The following DSPP variants were observed in gnomAD, a reference collection of about 807,000 sequenced individuals.
The protein encoded by DSPP is deafness, autosomal dominant 39.
A neutral mutation model predicts 29.1 loss-of-function variants in DSPP; 28 were observed. That is an observed-to-expected ratio of 0.96 (90% confidence interval 0.71 to 1.32). The LOEUF is 1.32. DSPP is among the 40% of genes most tolerant of loss of function. The pLI is 0.00. For synonymous variants in DSPP, 481 were observed against 503.4 expected, an observed-to-expected ratio of 0.96 and a Z score of 0.60; for missense variants, 1,281 against 1,629.9, an observed-to-expected ratio of 0.79 and a Z score of 3.69.
intron 3 of DSPP, 42 bp downstream of exon 3, chr4:87,612,230 G>T: frequency 3.7e-6 from 6 of 1,612,448 alleles, no homozygotes; most frequent in Non-Finnish European, 5.1e-6. Context: ...CTATTTCTGA[G>T]TTGCTACATT....
At chr4:87,608,832 C>A (rs1283787711) in intron 1 of DSPP, among the ~76,000 whole-genome samples, 5 of 152,052 alleles carry the variant, frequency 3.3e-5, no homozygotes, top group Non-Finnish European at 5.9e-5. Context: ...AGAAGAAAGA[C>A]CTCGTACTGA....
chr4:87,613,769 C>T lies in DSPP; in HGVS notation c.1123-16C>T, dbSNP rs1727788388. On this transcript the variant is annotated splice_polypyrimidine_tract_variant and intron_variant, in intron 4 of 4. Coordinates refer to ENST00000651931, the MANE Select transcript of DSPP (RefSeq NM_014208.3). ...ATATTCACTAGTTAATCATTCTTTCCTCCATCCTTCCATAGGGAATAGAAA... is the reference window on the plus strand; with the variant it reads ...ATATTCACTAGTTAATCATTCTTTCTTCCATCCTTCCATAGGGAATAGAAA... 1 of 1,613,936 alleles carries T rather than the reference C, an allele frequency of 6.2e-7. No individual in the cohort carries two copies. Among genetic ancestry groups the T allele is most frequent in the Admixed American group, 1.7e-5 (1 of 60,002 alleles).
At chr4:87,611,062 TGC>T in intron 2 of DSPP, 103 bp downstream of exon 2, 1 of 1,079,424 alleles carries the variant, frequency 9.3e-7, no homozygotes, top group Non-Finnish European at 1.4e-6. Context: ...TGTGTGTGTG[TGC>T]ATGTACATGT....
In DSPP at chr4:87,612,672, C is replaced by G. The variant is rs1044358322; in HGVS notation, c.486C>G (p.Thr162=). The change falls in exon 4 of 5, where the codon ACC becomes ACG. Residue 162 remains threonine (T), a synonymous_variant. Transcript: ENST00000651931. ...SNTNGNTDKN[T]QNGDVGDAGH... is the part of the protein sequence containing the mutation. ...CTAATGGAAATACTGATAAGAATAC[C>G]CAAAATGGGGATGTTGGCGATGCAG... 1 of 1,613,872 alleles carries G rather than the reference C, an allele frequency of 6.2e-7. No homozygotes were observed. Among genetic ancestry groups the G allele is most frequent in the Non-Finnish European group, 8.5e-7 (1 of 1,179,986 alleles).
At chr4:87,611,407 A>AT (rs913817893) in intron 2 of DSPP, among the ~76,000 whole-genome samples, 4 of 151,910 alleles carry the variant, frequency 2.6e-5, no homozygotes, top group South Asian at 2.1e-4. Context: ...GAAAAAGTAG[A>AT]TTTTTTTTCA....
Position 87,616,716 on chromosome 4 carries a change from G to A in DSPP, c.*148G>A. The A allele has an allele frequency of 7.3e-7, 1 of 1,372,634 alleles. No homozygotes were observed. Among genetic ancestry groups the A allele is most frequent in the Non-Finnish European group, 1.0e-6 (1 of 1,002,664 alleles). The allele number at this position is 1,372,634 out of a possible 1,614,324, so 85.0% of individuals were successfully genotyped here. ...ACTGGGGGAATCAAATCAAACAGTT[G>A]GATTCAGAACCAAGACCTAACTCCT... On this transcript the variant is annotated 3_prime_UTR_variant, in exon 5 of 5. Transcript: ENST00000651931.
rs895655307 is a variant in DSPP, at chr4:87,612,642, C to G, written c.456C>G (p.Ser152Arg). 6.2e-7 allele frequency: 1 copy of G among 1,614,022 alleles called. No homozygotes were observed. Among genetic ancestry groups the G allele is most frequent in the Non-Finnish European group, 8.5e-7 (1 of 1,179,986 alleles). Residue 152 changes from serine to arginine, a missense_variant, in exon 4 of 5, where the codon AGC becomes AGG. By Grantham distance (110) the Ser-to-Arg change is moderately radical. Coordinates refer to ENST00000651931, the MANE Select transcript of DSPP (RefSeq NM_014208.3). Reference protein sequence around the residue: ...IIDNAGATNRSNTNGNTDKNT... With the variant: ...IIDNAGATNRRNTNGNTDKNT... ...ACAATGCTGGAGCCACAAACAGAAG[C>G]AACACTAATGGAAATACTGATAAGA... is the stretch of plus-strand genomic sequence containing the variant.
rs760461844 is a variant in DSPP at position 87,612,198 on chromosome 4, G to A, written c.135+10G>A. 1 of 1,613,780 alleles carries A rather than the reference G, an allele frequency of 6.2e-7. No individual in the cohort carries two copies. The highest frequency in any genetic ancestry group is 1.7e-5 in the Admixed American group (1 of 60,026). The stretch of plus-strand genomic sequence containing the variant: ...AAATGTGTCAGTACAGGTATAGGAT[G>A]TAATATATTTCATTTTATTTCCTAT... On this transcript the variant is annotated intron_variant, in intron 3 of 4. Transcript: ENST00000651931.
In DSPP at chr4:87,615,975, AGCAGCGAT is replaced by A; in HGVS notation, c.3314_3321del (p.Ser1105LysfsTer3). 1.7e-6 allele frequency: 1 copy of A among 587,758 alleles called. No homozygotes were observed. The highest frequency in any genetic ancestry group is 2.6e-6 in the Non-Finnish European group (1 of 385,388). 36.4% of individuals were successfully genotyped at this position (587,758 alleles called of 1,614,324 possible). A position where few individuals can be genotyped will look rare whatever the true frequency, so the allele number is the denominator to read the frequency against. ...CAGCGATAGCAGCGACAGCAGCGAC[AGCAGCGAT>A]AGCAGTGACAGCAGCGATAGCAGTG... is the stretch of plus-strand genomic sequence containing the variant. On this transcript the variant is annotated frameshift_variant, in exon 5 of 5. Transcript: ENST00000651931. LOFTEE classifies it low-confidence loss of function (END_TRUNC).
chr4:87,614,047 G>C lies in DSPP; in HGVS notation c.1385G>C (p.Gly462Ala), dbSNP rs1460227911. The change falls in exon 5 of 5, where the codon GGA becomes GCA. Residue 462 changes from glycine to alanine, a missense_variant. Physicochemically the swap from Gly to Ala is moderately conservative, Grantham distance 60 (BLOSUM62 0). Coordinates refer to ENST00000651931, the MANE Select transcript of DSPP (RefSeq NM_014208.3). ...GATTTTGATGATAAGTCCATGCAAG[G>C]AGATGATCCCAATAGCAGTGATGAA... ...SYDFDDKSMQ[G>A]DDPNSSDESN... 3 of 1,614,232 alleles carry C rather than the reference G, an allele frequency of 1.9e-6. No homozygotes were observed. The highest frequency in any genetic ancestry group is 2.5e-6 in the Non-Finnish European group (3 of 1,180,038).
At chr4:87,612,007 ATATTTGTGTGTG>A in intron 2 of DSPP, 86 bp from the exon 3 acceptor site, 4 of 1,181,224 alleles carry the variant, frequency 3.4e-6, no homozygotes, top group South Asian at 1.3e-5. Flanking sequence ...GGAGGGAAGA[ATATTTGTGTGTG>A]TGTGTGTGTG....
rs1560478045 is a variant in DSPP, at chr4:87,613,307, A to C, written c.1121A>C (p.Lys374Thr). The C allele has an allele frequency of 1.9e-6, 3 of 1,613,118 alleles. No homozygotes were observed. The highest frequency in any genetic ancestry group is 3.3e-5 in the Admixed American group (2 of 60,026). Reference protein sequence around the residue: ...ETHAVGKSQDKGIEIKGPSSG... With the variant: ...ETHAVGKSQDTGIEIKGPSSG... Reference sequence around the variant, plus strand: ...CATGCTGTTGGGAAGAGCCAAGATAAGGTTAGTTTGTAAAGCTGATTTCTT... The same window carrying C: ...CATGCTGTTGGGAAGAGCCAAGATACGGTTAGTTTGTAAAGCTGATTTCTT... Residue 374 changes from lysine to threonine, a missense_variant and splice_region_variant, in exon 4 of 5, where the codon AAG becomes ACG. Transcript: ENST00000651931.
chr4:87,611,789 G>T (rs961032709), intron 2 of DSPP, among the ~76,000 whole-genome samples: 1 of 152,106 alleles, frequency 6.6e-6, no homozygotes, highest in Non-Finnish European at 1.5e-5. Flanking sequence ...AACACCAGAG[G>T]TCTATCCCCT....
chr4:87,613,818 A>G lies in DSPP; in HGVS notation c.1156A>G (p.Arg386Gly). The G allele has an allele frequency of 6.2e-7, 1 of 1,614,228 alleles. No homozygotes were observed. The highest frequency in any genetic ancestry group is 1.1e-5 in the South Asian group (1 of 91,082). Residue 386 changes from arginine (R) to glycine (G), a missense_variant, in exon 5 of 5, where the codon AGA becomes GGA. Arg to Gly is a moderately radical substitution (Grantham distance 125). Around this residue, in one of 4 missense-constraint regions of DSPP, gnomAD observed 631 missense variants for 643.2 expected, o/e 0.98. Coordinates refer to ENST00000651931, the MANE Select transcript of DSPP (RefSeq NM_014208.3). ...IEIKGPSSGN[R>G]NITKEVGKGN... ...AATCAAGGGTCCCAGCAGTGGCAAC[A>G]GAAATATTACCAAAGAAGTTGGGAA...
Position 87,613,976 on chromosome 4 carries a change from C to G in DSPP, c.1314C>G (p.His438Gln), listed in dbSNP as rs372553789. 3 of 1,614,028 alleles carry G rather than the reference C, an allele frequency of 1.9e-6. No homozygotes were observed. Among genetic ancestry groups the G allele is most frequent in the African/African-American group, 2.7e-5 (2 of 74,900 alleles). The change falls in exon 5 of 5, where the codon CAC becomes CAG. Residue 438 changes from histidine to glutamine, a missense_variant. This residue lies in a region of DSPP where 631 missense variants were observed against 643.2 expected (regional missense o/e 0.98). Coordinates refer to ENST00000651931, the MANE Select transcript of DSPP (RefSeq NM_014208.3). ...CAGAACCAGGAAATAAAGTTGGACA[C>G]AGCAATACAGGTAGTGACAGCAATA... ...QKSEPGNKVG[H>Q]SNTGSDSNSD...
In DSPP at chr4:87,614,608, A is replaced by G; in HGVS notation, c.1946A>G (p.Asp649Gly). 6.5e-7 allele frequency: 1 copy of G among 1,548,548 alleles called. No homozygotes were observed. The highest frequency in any genetic ancestry group is 8.7e-7 in the Non-Finnish European group (1 of 1,144,480). The change falls in exon 5 of 5, where the codon GAC becomes GGC. Residue 649 changes from aspartate (D) to glycine (G), a missense_variant. Asp to Gly is a moderately conservative substitution (Grantham distance 94). Around this residue, in one of 4 missense-constraint regions of DSPP, gnomAD observed 444 missense variants for 611.4 expected, o/e 0.73. Transcript: ENST00000651931. The part of the protein sequence containing the change: ...KSDSSDSNSS[D>G]SSDNSDSSDS... The stretch of plus-strand genomic sequence containing the variant: ...GACAGCAGTGACAGCAACAGCAGTG[A>G]CAGTAGTGACAACAGTGATAGCAGC...
In DSPP at chr4:87,615,104, C is replaced by G. The variant is rs1727844972; in HGVS notation, c.2442C>G (p.Asp814Glu). The G allele has an allele frequency of 1.3e-6, 2 of 1,550,264 alleles. No homozygotes were observed. Among genetic ancestry groups the G allele is most frequent in the South Asian group, 2.4e-5 (2 of 84,008 alleles). The change falls in exon 5 of 5, where the codon GAC becomes GAG. Residue 814 changes from aspartate (D) to glutamate (E), a missense_variant. Transcript: ENST00000651931. ...GCAGTGATAGCAGTGATAGCAGTGA[C>G]AGCAGTGATAGCGACAGCAGCAATA... Reference protein sequence around the residue: ...SNSSDSSDSSDSSDSDSSNSS... With the variant: ...SNSSDSSDSSESSDSDSSNSS...
At chr4:87,611,125 C>A (rs1354610515) in intron 2 of DSPP, among the ~76,000 whole-genome samples, 166 bp downstream of exon 2, 1 of 150,756 alleles carries the variant, frequency 6.6e-6, no homozygotes, top group Non-Finnish European at 1.5e-5. Flanking sequence ...TTTTAACAGG[C>A]TGAGTCTAAA....
chr4:87,612,464 T>C lies in DSPP; in HGVS notation c.278T>C (p.Phe93Ser). The C allele has an allele frequency of 1.2e-6, 2 of 1,613,912 alleles. No homozygotes were observed. Among genetic ancestry groups the C allele is most frequent in the South Asian group, 1.1e-5 (1 of 91,044 alleles). The change falls in exon 4 of 5, where the codon TTT becomes TCT. Residue 93 changes from phenylalanine to serine, a missense_variant. This residue lies in a region of DSPP where 631 missense variants were observed against 643.2 expected (regional missense o/e 0.98). Transcript: ENST00000651931. Reference sequence around the variant, plus strand: ...TGGGCAGAAGTAGGAGGGAAGAGTTTTTCTACATATTCCACATTAGCAAAC... The same window carrying C: ...TGGGCAGAAGTAGGAGGGAAGAGTTCTTCTACATATTCCACATTAGCAAAC... The part of the protein sequence containing the change: ...SKWAEVGGKS[F>S]STYSTLANEE...
Sources: gnomAD v4.1 joint callset for allele counts (sites outside exome capture counted in the v4.1 genomes callset) on GRCh38, gnomAD v4.1.1 for gene constraint, gnomAD v4.1.1 regional missense constraint, MANE v1.5 for transcripts, NCBI Gene and HGNC (gene_info 2026-07-23, HGNC 2026-07-21) for gene names.